Variants in COL4A2 observed in about 807,000 individuals in gnomAD.
COL4A2 encodes collagen alpha-2(IV) chain.
Under a neutral mutation model 200.2 loss-of-function variants are expected in COL4A2, and 99 were observed. The observed-to-expected ratio is 0.49, with a 90% CI of 0.42 to 0.58. COL4A2 has a LOEUF of 0.58. COL4A2 is among the 20% of genes least tolerant of loss of function. The pLI, the probability that COL4A2 is intolerant of heterozygous loss-of-function variation, is 0.00. For synonymous variants in COL4A2, 897 were observed against 900.6 expected (o/e 1.00, Z 0.07); for missense variants, 1,950 against 2,314.1 (o/e 0.84, Z 3.23).
intron 46 of COL4A2, chr13:110,507,675 T>C (rs1172626923): frequency 3.5e-6 from 2 of 568,986 alleles, no homozygotes; most frequent in Admixed American, 6.1e-5. Flanking sequence ...AAGACGCCAC[T>C]CCCTGGTGAT....
intron 4 of COL4A2, among the ~76,000 whole-genome samples, chr13:110,368,540 C>T (rs1056712456): frequency 1.4e-4 from 21 of 152,148 alleles, no homozygotes; most frequent in African/African-American, 5.1e-4. Context: ...AGGTTTCTTT[C>T]TATTTCCTTA....
chr13:110,366,776 T>A (rs1228858691), intron 4 of COL4A2, among the ~76,000 whole-genome samples: 1 of 152,224 alleles, frequency 6.6e-6, no homozygotes, highest in Non-Finnish European at 1.5e-5. Flanking sequence ...TCTGTTACTA[T>A]CATTGACATT....
intron 10 of COL4A2, among the ~76,000 whole-genome samples, chr13:110,431,149 C>G (rs184012729): frequency 6.6e-6 from 1 of 152,284 alleles, no homozygotes; most frequent in East Asian, 1.9e-4. Flanking sequence ...GCACAATGAG[C>G]TGGAAGGTGG....
At chr13:110,509,886 C>A (rs1217646206) in intron 47 of COL4A2, among the ~76,000 whole-genome samples, 1 of 152,170 alleles carries the variant, frequency 6.6e-6, no homozygotes, top group Admixed American at 6.5e-5. Context: ...CCCCATTGTC[C>A]CTGACAATGG....
At chr13:110,334,545 T>C (rs1022599090) in intron 3 of COL4A2, among the ~76,000 whole-genome samples, 4 of 152,218 alleles carry the variant, frequency 2.6e-5, no homozygotes, top group African/African-American at 9.6e-5. Context: ...AGAAACACAT[T>C]CCATTTCCTT....
intron 21 of COL4A2, 120 bp from the exon 22 acceptor site, chr13:110,458,651 C>T (rs1881876549): frequency 2.5e-6 from 3 of 1,193,038 alleles, no homozygotes; most frequent in Non-Finnish European, 3.6e-6. Flanking sequence ...CCCATCAGAA[C>T]AGGCAGTGTC....
intron 22 of COL4A2, among the ~76,000 whole-genome samples, chr13:110,460,833 C>T (rs1198788635): frequency 1.3e-5 from 2 of 152,214 alleles, no homozygotes; most frequent in African/African-American, 4.8e-5. Flanking sequence ...ATATACCCAA[C>T]GTGTATTGAT....
At chr13:110,358,686 G>T (rs983133658) in intron 4 of COL4A2, among the ~76,000 whole-genome samples, 7 of 152,176 alleles carry the variant, frequency 4.6e-5, no homozygotes, top group Non-Finnish European at 7.3e-5. Flanking sequence ...GCAGTCTGTT[G>T]TTGACCAAAA....
At chr13:110,432,452 C>T (rs1320082582) in intron 11 of COL4A2, 92 bp downstream of exon 11, 12 of 1,429,778 alleles carry the variant, frequency 8.4e-6, no homozygotes, top group East Asian at 2.5e-5. Context: ...TCTTGGTTGG[C>T]AACTATTTAT....
At chr13:110,504,974 G>GAA (rs537837446) in intron 45 of COL4A2, among the ~76,000 whole-genome samples, 1 of 145,078 alleles carries the variant, frequency 6.9e-6, no homozygotes, top group African/African-American at 2.5e-5. Flanking sequence ...AGCTATTCAT[G>GAA]AAAAAAAAAA....
At chr13:110,472,207 C>G (rs1251120734) in intron 28 of COL4A2, among the ~76,000 whole-genome samples, 1 of 151,894 alleles carries the variant, frequency 6.6e-6, no homozygotes, top group Non-Finnish European at 1.5e-5. Context: ...GCTCCGCCTC[C>G]CGGGTTCACG....
At chr13:110,317,183 CAG>C (rs1376636356) in intron 3 of COL4A2, among the ~76,000 whole-genome samples, 1 of 151,014 alleles carries the variant, frequency 6.6e-6, no homozygotes, top group Non-Finnish European at 1.5e-5. Context: ...CACATAGACA[CAG>C]AGATGCACAC....
At chr13:110,362,244 T>A (rs571434655) in intron 4 of COL4A2, among the ~76,000 whole-genome samples, 1 of 152,368 alleles carries the variant, frequency 6.6e-6, no homozygotes, top group East Asian at 1.9e-4. Context: ...TTTGAGGGTC[T>A]GTATTTCAAA....
chr13:110,396,141 C>T (rs1168497462), intron 4 of COL4A2, among the ~76,000 whole-genome samples: 1 of 152,170 alleles, frequency 6.6e-6, no homozygotes, highest in Non-Finnish European at 1.5e-5. Flanking sequence ...GTACCCATAT[C>T]CCCTCCCGCT....
Position 110,428,590 on chromosome 13 carries a change from A to C in COL4A2, c.477+7A>C. The C allele has an allele frequency of 2.0e-6, 3 of 1,486,518 alleles. No individual in the cohort carries two copies. The highest frequency in any genetic ancestry group is 2.7e-6 in the Non-Finnish European group (3 of 1,106,526). 92.1% of individuals were successfully genotyped at this position (1,486,518 alleles called of 1,614,324 possible). A position where few individuals can be genotyped will look rare whatever the true frequency, so the allele number is the denominator to read the frequency against. ...GGGGTTCACCGGGCCTCCCGTGAGT[A>C]TCCCCACAGCGCCTGTGCTCCAGGG... On this transcript the variant is annotated splice_region_variant and intron_variant, in intron 7 of 47. Coordinates refer to ENST00000360467, the MANE Select transcript of COL4A2 (RefSeq NM_001846.4).
At chr13:110,423,990 A>C (rs1880360499) in intron 4 of COL4A2, among the ~76,000 whole-genome samples, 1 of 152,144 alleles carries the variant, frequency 6.6e-6, no homozygotes, top group African/African-American at 2.4e-5. Flanking sequence ...GGCTGTTGTG[A>C]ATCACGCTGC....
At chr13:110,505,220 G>A (rs533145179) in intron 45 of COL4A2, among the ~76,000 whole-genome samples, 1 of 152,060 alleles carries the variant, frequency 6.6e-6, no homozygotes, top group South Asian at 2.1e-4. Context: ...CGTGGTGGCG[G>A]GCGCCAGTAG....
At chr13:110,314,843 G>A (rs974977362) in intron 3 of COL4A2, among the ~76,000 whole-genome samples, 2 of 152,202 alleles carry the variant, frequency 1.3e-5, no homozygotes, top group African/African-American at 2.4e-5. Flanking sequence ...CCACAGGGAC[G>A]GGCAGGTGGC....
rs1175539447 is a variant in COL4A2 at position 110,493,201 on chromosome 13, A to G, written c.3563-10A>G. The G allele has an allele frequency of 7.4e-6, 12 of 1,613,764 alleles. No individual in the cohort carries two copies. The highest frequency in any genetic ancestry group is 3.3e-5 in the Admixed American group (2 of 59,990). On this transcript the variant is annotated splice_polypyrimidine_tract_variant and intron_variant, in intron 38 of 47. Coordinates refer to ENST00000360467, the MANE Select transcript of COL4A2 (RefSeq NM_001846.4). Reference sequence around the variant, plus strand: ...GGTGAAATAAATAACGATGAGTGACACCCCCGCAGGTTTTCCGGGACTCCG... The same window carrying G: ...GGTGAAATAAATAACGATGAGTGACGCCCCCGCAGGTTTTCCGGGACTCCG...
Sources: allele counts gnomAD v4.1 joint callset (sites outside exome capture counted in the v4.1 genomes callset), GRCh38; gene constraint gnomAD v4.1.1; transcripts MANE v1.5; gene names NCBI Gene and HGNC (gene_info 2026-07-23, HGNC 2026-07-21).